Variants in ITGAD observed in about 807,000 individuals in gnomAD.
ITGAD encodes integrin subunit alpha D.
ITGAD carries 105 observed loss-of-function variants against 139.0 expected under a neutral mutation model. The ratio of observed to expected loss-of-function variants is 0.76; its 90% CI spans 0.65 to 0.89. The LOEUF (loss-of-function observed/expected upper bound fraction) is 0.89. Ranked by LOEUF, ITGAD falls within the 40% of genes least tolerant of loss-of-function variation. ITGAD has a pLI of 0.00. For synonymous variants in ITGAD, 569 were observed against 598.3 expected, an observed-to-expected ratio of 0.95 and a Z score of 0.71; for missense variants, 1,384 against 1,487.3, an observed-to-expected ratio of 0.93 and a Z score of 1.14.
In ITGAD at chr16:31,403,657, C is replaced by T. The variant is rs200069432; in HGVS notation, c.704+12C>T. ...ATCCTGACAGTGGTGTAAGCAACCC[C>T]GACCCCAGCCTGGCGATGTGACTGC... On this transcript the variant is annotated intron_variant, in intron 7 of 29. Transcript: ENST00000389202. This position sits in a 1 kb window ranked among gnomAD's most constrained non-coding sequence, Gnocchi z 4.4. 3.4e-5 allele frequency: 55 copies of T among 1,614,046 alleles called. No individual in the cohort carries two copies. In the East Asian group the frequency reaches 5.1e-4, roughly 15 times the overall value.
chr16:31,413,489 CCT>C (rs1028800741), intron 16 of ITGAD, among the ~76,000 whole-genome samples: 16 of 152,298 alleles, frequency 1.1e-4, no homozygotes, highest in East Asian at 3.9e-4. Context: ...TCCCCCAGCC[CCT>C]GATTCCCTTC....
At chr16:31,400,051 CAGAAGAGACATTGTGAG>C (rs1364508967) in intron 5 of ITGAD, among the ~76,000 whole-genome samples, 2 of 152,214 alleles carry the variant, frequency 1.3e-5, no homozygotes, top group Admixed American at 1.3e-4. Context: ...GACCAAGAAA[CAGAAGAGACATTGTGAG>C]AGGATTTGCC....
Position 31,413,268 on chromosome 16 carries a change from G to A in ITGAD, c.1996+22G>A, listed in dbSNP as rs754611531. On this transcript the variant is annotated intron_variant, in intron 16 of 29. Transcript: ENST00000389202. ...CTAGGTGTGTTTCCCCCATAAAGGG[G>A]GCCCAGGCCCCTCATTCCATTAGGG... The A allele has an allele frequency of 1.3e-5, 21 of 1,611,670 alleles. 1 individual carries two copies. In the South Asian group the frequency reaches 2.1e-4, roughly 16 times the overall value.
rs1380797282 is a variant in ITGAD, at chr16:31,410,742, C to T, written c.1220C>T (p.Ser407Phe). ...VDMRDSYLGY[S>F]TELALWKGVQ... ...TGAGGCCTGGGCCCCTCAGGTTACT[C>T]CACCGAGCTAGCCCTGTGGAAGGGG... Residue 407 changes from serine to phenylalanine, a missense_variant, in exon 12 of 30, where the codon TCC becomes TTC. Ser to Phe is a radical substitution (Grantham distance 155, BLOSUM62 -2). Transcript: ENST00000389202. 1 of 1,611,104 alleles carries T rather than the reference C, an allele frequency of 6.2e-7. No homozygotes were observed. Among genetic ancestry groups the T allele is most frequent in the Admixed American group, 1.7e-5 (1 of 59,900 alleles).
intron 7 of ITGAD, among the ~76,000 whole-genome samples, chr16:31,404,951 G>C (rs1398813080): frequency 3.3e-5 from 5 of 151,846 alleles, no homozygotes; most frequent in African/African-American, 1.2e-4. Context: ...GCTCAGGCTG[G>C]AGTGCAATGG....
intron 17 of ITGAD, 52 bp from the exon 18 acceptor site, chr16:31,414,808 G>C: frequency 6.2e-7 from 1 of 1,600,082 alleles, no homozygotes; most frequent in Non-Finnish European, 8.5e-7. Context: ...AGGAGGACTT[G>C]TGGTGGAGCG....
chr16:31,423,671 A>T, intron 26 of ITGAD, 23 bp downstream of exon 26: 2 of 1,603,496 alleles, frequency 1.2e-6, no homozygotes, highest in Non-Finnish European at 1.7e-6. Flanking sequence ...CTGAACCCCC[A>T]CCGCCAAGAT....
At chr16:31,404,083 C>T (rs1567330160) in intron 7 of ITGAD, 2 of 161,668 alleles carry the variant, frequency 1.2e-5, no homozygotes, top group Non-Finnish European at 2.7e-5. Flanking sequence ...GGGTGCTCAG[C>T]CCGGGGCACG....
At chr16:31,420,472 A>G (rs2081986891) in intron 23 of ITGAD, among the ~76,000 whole-genome samples, 2 of 152,004 alleles carry the variant, frequency 1.3e-5, no homozygotes, top group Admixed American at 1.3e-4. Context: ...ATCTGGGCTC[A>G]CTGCAACCTC....
At chr16:31,398,829 C>T (rs896329467) in intron 5 of ITGAD, among the ~76,000 whole-genome samples, 5 of 152,056 alleles carry the variant, frequency 3.3e-5, no homozygotes, top group African/African-American at 7.2e-5. Context: ...CCCCACTGTG[C>T]GGGCTGTAGA....
Position 31,426,043 on chromosome 16 carries a change from A to C in ITGAD, c.3401A>C (p.Glu1134Ala). 2 of 1,614,016 alleles carry C rather than the reference A, an allele frequency of 1.2e-6. No homozygotes were observed. The highest frequency in any genetic ancestry group is 1.7e-6 in the Non-Finnish European group (2 of 1,179,896). Reference protein sequence around the residue: ...KLGFFKRHYKEMLEDKPEDTA... With the variant: ...KLGFFKRHYKAMLEDKPEDTA... ...GGCTTCTTCAAACGCCACTACAAGG[A>C]AATGCTGGAGGACAAGCCTGAAGAC... is the stretch of plus-strand genomic sequence containing the variant. The change falls in exon 30 of 30, where the codon GAA becomes GCA. Residue 1134 changes from glutamate to alanine, a missense_variant. By Grantham distance (107) the Glu-to-Ala change is moderately radical. Transcript: ENST00000389202.
At chr16:31,399,831 C>T (rs1220919249) in intron 5 of ITGAD, among the ~76,000 whole-genome samples, 1 of 152,144 alleles carries the variant, frequency 6.6e-6, no homozygotes, top group Non-Finnish European at 1.5e-5. Context: ...TGGTATGAAT[C>T]ACCTTATTGC....
At chr16:31,413,857 AG>A (rs757578993) in intron 16 of ITGAD, among the ~76,000 whole-genome samples, 28 of 152,176 alleles carry the variant, frequency 1.8e-4, no homozygotes, top group Non-Finnish European at 4.0e-4. Context: ...GTGGCTGCTT[AG>A]CCATGGTCCA....
At chr16:31,416,739 T>G (rs1281343739) in intron 20 of ITGAD, 93 bp downstream of exon 20, 2 of 1,272,680 alleles carry the variant, frequency 1.6e-6, no homozygotes, top group Admixed American at 2.1e-5. Flanking sequence ...TGTTCTGTGA[T>G]GATATGTGCT....
intron 23 of ITGAD, among the ~76,000 whole-genome samples, chr16:31,422,208 G>C (rs1339566968): frequency 6.6e-6 from 1 of 151,344 alleles, no homozygotes; most frequent in Non-Finnish European, 1.5e-5. Context: ...TCTAAGTGTT[G>C]GGATTACAGG....
At chr16:31,398,308 T>C (rs918184323) in intron 5 of ITGAD, among the ~76,000 whole-genome samples, 1 of 150,932 alleles carries the variant, frequency 6.6e-6, no homozygotes, top group Non-Finnish European at 1.5e-5. Context: ...GCGCCTGTAA[T>C]CCCAGCCACT....
chr16:31,414,630 G>T, intron 17 of ITGAD, 25 bp downstream of exon 17: 2 of 1,613,070 alleles, frequency 1.2e-6, no homozygotes, highest in Non-Finnish European at 1.7e-6. Flanking sequence ...TTCTGGGAAG[G>T]GGGAGAGAGG....
At chr16:31,415,019 T>A in intron 18 of ITGAD, 28 bp downstream of exon 18, 2 of 1,612,674 alleles carry the variant, frequency 1.2e-6, no homozygotes, top group Non-Finnish European at 1.7e-6. Flanking sequence ...GTCCCAGGGA[T>A]GTGCTGACTT....
At chr16:31,396,531 G>T (rs1222847078) in intron 2 of ITGAD, among the ~76,000 whole-genome samples, 1 of 152,136 alleles carries the variant, frequency 6.6e-6, no homozygotes, top group Non-Finnish European at 1.5e-5. Context: ...GTATCAGCAG[G>T]TTCCAAACTG....
Sources: gnomAD v4.1 joint callset for allele counts (sites outside exome capture counted in the v4.1 genomes callset) on GRCh38, gnomAD v4.1.1 for gene constraint, Gnocchi (gnomAD v3.1) non-coding constraint, MANE v1.5 for transcripts, NCBI Gene and HGNC (gene_info 2026-07-23, HGNC 2026-07-21) for gene names.